The following CNTN4 variants were observed in gnomAD, a reference collection of about 807,000 sequenced individuals.
The protein encoded by CNTN4 is contactin-4.
A neutral mutation model predicts 122.5 loss-of-function variants in CNTN4; 77 were observed. The observed-to-expected ratio is 0.63, with a 90% CI of 0.52 to 0.76. The LOEUF (loss-of-function observed/expected upper bound fraction) is 0.76, where lower values mean the gene tolerates loss of function less well. Ranked by LOEUF, CNTN4 falls within the 30% of genes least tolerant of loss-of-function variation. The pLI, the probability that CNTN4 is intolerant of heterozygous loss-of-function variation, is 0.00. For missense variants in CNTN4, 1,256 were observed against 1,259.1 expected, an observed-to-expected ratio of 1.00 and a Z score of 0.04; for synonymous variants, 512 against 447.0, an observed-to-expected ratio of 1.15 and a Z score of -1.83.
chr3:3,006,470 G>A (rs750472983), intron 14 of CNTN4, among the ~76,000 whole-genome samples: 37 of 152,138 alleles, frequency 2.4e-4, no homozygotes, highest in Middle Eastern at 3.2e-3. Context: ...GTCCCTTTGC[G>A]ATTTTTGAAA....
At chr3:2,270,802 T>C (rs780259907) in intron 2 of CNTN4, among the ~76,000 whole-genome samples, 23 of 152,094 alleles carry the variant, frequency 1.5e-4, no homozygotes, top group South Asian at 8.3e-4. Context: ...CATGGCTTAG[T>C]TCCTTCTATT....
chr3:2,940,062 A>T (rs4685585), intron 13 of CNTN4, among the ~76,000 whole-genome samples: 14,132 of 152,250 alleles, frequency 0.093, 932 homozygotes, highest in East Asian at 0.19. Flanking sequence ...AGTCCCTGGG[A>T]CAGATCAGGT....
chr3:2,537,300 A>G (rs1397176069), intron 3 of CNTN4, among the ~76,000 whole-genome samples: 3 of 152,050 alleles, frequency 2.0e-5, no homozygotes, highest in Non-Finnish European at 4.4e-5. Flanking sequence ...GGTATAGCCT[A>G]GAGTTGGTGG....
chr3:2,267,282 A>G (rs1173109526), intron 2 of CNTN4, among the ~76,000 whole-genome samples: 1 of 152,130 alleles, frequency 6.6e-6, no homozygotes, highest in Non-Finnish European at 1.5e-5. Flanking sequence ...TTGGAAAACA[A>G]GCTTAAATAT....
intron 4 of CNTN4, among the ~76,000 whole-genome samples, chr3:2,614,301 G>A (rs2081619864): frequency 6.6e-6 from 1 of 152,108 alleles, no homozygotes; most frequent in Non-Finnish European, 1.5e-5. Context: ...AGGAAGATGA[G>A]GTCAGAGAGG....
intron 3 of CNTN4, among the ~76,000 whole-genome samples, chr3:2,495,939 G>A (rs574752851): frequency 6.6e-6 from 1 of 152,220 alleles, no homozygotes; most frequent in Non-Finnish European, 1.5e-5. Flanking sequence ...ACAGATGGCA[G>A]TCCACAGCAC....
intron 4 of CNTN4, among the ~76,000 whole-genome samples, chr3:2,595,354 C>T (rs1212653166): frequency 6.6e-6 from 1 of 152,088 alleles, no homozygotes; most frequent in Non-Finnish European, 1.5e-5. Flanking sequence ...GGAAAAATTC[C>T]ACAATGTCAC....
chr3:2,373,588 T>G lies in CNTN4; in HGVS notation c.-89+34355T>G, dbSNP rs540056666. 2.0e-5 allele frequency among the ~76,000 whole-genome samples: 3 copies of G among 152,334 alleles called. No individual in the cohort carries two copies. In the South Asian group the frequency reaches 6.2e-4, roughly 32 times the overall value. On this transcript the variant is annotated intron_variant, in intron 3 of 24. Transcript: ENST00000418658. Reference sequence around the variant, plus strand: ...CCACCTAAGAATCTAGTTTTCAGCATTAGGCAAATGCTTCTGGTACAAGCA... The same window carrying G: ...CCACCTAAGAATCTAGTTTTCAGCAGTAGGCAAATGCTTCTGGTACAAGCA...
At chr3:2,292,731 A>C (rs1307010114) in intron 2 of CNTN4, among the ~76,000 whole-genome samples, 1 of 152,188 alleles carries the variant, frequency 6.6e-6, no homozygotes, top group Non-Finnish European at 1.5e-5. Context: ...ATATTATTCT[A>C]TCTATCAGTA....
intron 2 of CNTN4, among the ~76,000 whole-genome samples, chr3:2,270,903 C>T (rs1399374233): frequency 6.6e-6 from 1 of 152,126 alleles, no homozygotes; most frequent in Non-Finnish European, 1.5e-5. Context: ...TGTTAGTTCA[C>T]AGGCGTGCAG....
chr3:2,475,124 G>T (rs189414679), intron 3 of CNTN4, among the ~76,000 whole-genome samples: 2 of 152,146 alleles, frequency 1.3e-5, no homozygotes, highest in African/African-American at 4.8e-5. Flanking sequence ...TGTAGGCATT[G>T]TCATCATTTT....
chr3:2,367,815 A>G (rs1395277635), intron 3 of CNTN4, among the ~76,000 whole-genome samples: 1 of 151,858 alleles, frequency 6.6e-6, no homozygotes, highest in African/African-American at 2.4e-5. Flanking sequence ...AATCCATTGA[A>G]ACTTTTTTTT....
chr3:2,369,452 T>A (rs190737325), intron 3 of CNTN4, among the ~76,000 whole-genome samples: 6 of 152,198 alleles, frequency 3.9e-5, no homozygotes, highest in African/African-American at 7.2e-5. Flanking sequence ...ATGACAGATA[T>A]TGATATGAAG....
chr3:2,260,019 A>G (rs1221778983), intron 2 of CNTN4, among the ~76,000 whole-genome samples: 3 of 152,218 alleles, frequency 2.0e-5, no homozygotes, highest in African/African-American at 7.2e-5. Context: ...GGTCATTGGA[A>G]TTTTGTATTG....
At chr3:2,821,501 A>C (rs2092871831) in intron 7 of CNTN4, among the ~76,000 whole-genome samples, 1 of 152,170 alleles carries the variant, frequency 6.6e-6, no homozygotes, top group South Asian at 2.1e-4. Context: ...TCTTTGCCTG[A>C]GGACTTTGCC....
intron 3 of CNTN4, among the ~76,000 whole-genome samples, chr3:2,363,295 T>A (rs138911992): frequency 2.0e-5 from 3 of 152,356 alleles, no homozygotes; most frequent in Admixed American, 2.0e-4. Flanking sequence ...GTGCTAGGAC[T>A]AGGCTAAGCC....
chr3:2,123,002 A>G (rs1449987716), intron 2 of CNTN4, among the ~76,000 whole-genome samples: 1 of 152,136 alleles, frequency 6.6e-6, no homozygotes, highest in African/African-American at 2.4e-5. Flanking sequence ...GCATGACTGG[A>G]CGAGCCATTC....
intron 2 of CNTN4, among the ~76,000 whole-genome samples, chr3:2,203,724 A>G (rs183568786): frequency 2.6e-5 from 4 of 152,166 alleles, no homozygotes; most frequent in Admixed American, 1.3e-4. Flanking sequence ...AAAAAGCTAG[A>G]ACATATCCAG....
chr3:2,580,880 C>G (rs77878754), intron 4 of CNTN4, among the ~76,000 whole-genome samples: 1,532 of 152,206 alleles, frequency 0.01, 27 homozygotes, highest in Middle Eastern at 0.031. Flanking sequence ...CATGACCTAC[C>G]AATAAAACCA....
Sources: gnomAD v4.1 joint callset for allele counts (sites outside exome capture counted in the v4.1 genomes callset) on GRCh38, gnomAD v4.1.1 for gene constraint, MANE v1.5 for transcripts, NCBI Gene and HGNC (gene_info 2026-07-23, HGNC 2026-07-21) for gene names.